ZBBX: variants seen among roughly 807,000 people sequenced by gnomAD.
The protein encoded by ZBBX is zinc finger B-box domain containing.
Under a neutral mutation model 108.5 loss-of-function variants are expected in ZBBX, and 101 were observed. The ratio of observed to expected loss-of-function variants is 0.93; its 90% confidence interval spans 0.79 to 1.10. The LOEUF (loss-of-function observed/expected upper bound fraction) is 1.10, where lower values mean the gene tolerates loss of function less well. ZBBX is among the 50% of genes least tolerant of loss of function. ZBBX has a pLI of 0.00. For synonymous variants in ZBBX, 356 were observed against 323.4 expected, an observed-to-expected ratio of 1.10 and a Z score of -1.08; for missense variants, 1,009 against 941.4, an observed-to-expected ratio of 1.07 and a Z score of -0.94.
intron 20 of ZBBX, among the ~76,000 whole-genome samples, chr3:167,245,829 T>A (rs9681013): frequency 0.32 from 48,940 of 151,926 alleles, 8,363 homozygotes; most frequent in East Asian, 0.65. Flanking sequence ...CTTTTTTTTT[T>A]ATAAGTTGTA....
At position 167,261,260 on chromosome 3, in the gene ZBBX, G is replaced by T. The variant is rs868494600; in HGVS notation, c.2255-18617C>A. 2.0e-5 allele frequency among the ~76,000 whole-genome samples: 3 copies of T among 151,960 alleles called. No homozygotes were observed. The South Asian group carries it at 6.2e-4, about 32-fold the overall frequency. ...GGAGGGGTGCAATGGACTCTGTGAGGTTCTTAGCTTTGGTGGTTTAATGCT... is the reference window on the plus strand; with the variant it reads ...GGAGGGGTGCAATGGACTCTGTGAGTTTCTTAGCTTTGGTGGTTTAATGCT... On this transcript the variant is annotated intron_variant, in intron 20 of 21. Transcript: ENST00000675490.
At position 167,397,142 on chromosome 3, in the gene ZBBX, TAAAAA is replaced by T. The variant is rs61671930; in HGVS notation, c.-446+10579_-446+10583del. 1.6e-3 allele frequency among the ~76,000 whole-genome samples: 116 copies of T among 72,414 alleles called. 6 individuals are homozygous for T. In the South Asian group the frequency reaches 0.048, roughly 30 times the overall value. 47.5% of individuals were successfully genotyped at this position (72,414 alleles called of 152,430 possible). A position where few individuals can be genotyped will look rare whatever the true frequency, so the allele number is the denominator to read the frequency against. ...GTCGTGAAGAAGAGGTTCTTGGTGGTAAAAAAAAAAAAAAAAAAAAAAAATCTGAC... is the reference window on the plus strand; with the variant it reads ...GTCGTGAAGAAGAGGTTCTTGGTGGTAAAAAAAAAAAAAAAAAAATCTGAC... On this transcript the variant is annotated intron_variant, in intron 1 of 21. Coordinates refer to the ZBBX transcript ENST00000455345.
chr3:167,287,485 C>T (rs893954539), intron 19 of ZBBX, among the ~76,000 whole-genome samples: 3 of 152,076 alleles, frequency 2.0e-5, no homozygotes, highest in Non-Finnish European at 4.4e-5. Flanking sequence ...AAATTTTATA[C>T]TGGACTCTAA....
At position 167,350,445 on chromosome 3, in the gene ZBBX, T is replaced by C. The variant is rs746906817; in HGVS notation, c.503A>G (p.Lys168Arg). Reference sequence around the variant, plus strand: ...CTGCAAAAGAGTTGTTCTGTGGAGCTTTAGTGCCCCTTTCTGGTGAACTTT... The same window carrying C: ...CTGCAAAAGAGTTGTTCTGTGGAGCCTTAGTGCCCCTTTCTGGTGAACTTT... ...FAKVHQKGAL[K>R]LHRTTLLQAK... The change falls in exon 9 of 22, where the codon AAG (lysine) becomes AGG (arginine). Residue 168 changes from lysine to arginine, a missense_variant. Transcript: ENST00000675490. 1 of 1,596,556 alleles carries C rather than the reference T, an allele frequency of 6.3e-7. No homozygotes were observed. Among genetic ancestry groups the C allele is most frequent in the South Asian group, 1.1e-5 (1 of 88,104 alleles).
intron 17 of ZBBX, among the ~76,000 whole-genome samples, chr3:167,304,030 GAATA>G (rs1208960671): frequency 6.6e-6 from 1 of 151,900 alleles, no homozygotes; most frequent in Non-Finnish European, 1.5e-5. Context: ...ATTATAATTT[GAATA>G]AATATATTTC....
At chr3:167,397,303 C>A (rs1748273382) in intron 1 of ZBBX, among the ~76,000 whole-genome samples, 1 of 151,700 alleles carries the variant, frequency 6.6e-6, no homozygotes, top group South Asian at 2.1e-4. Flanking sequence ...GAACCCCACC[C>A]TGAGTTTGTC....
chr3:167,315,670 C>A, intron 15 of ZBBX, 80 bp downstream of exon 15: 1 of 1,025,244 alleles, frequency 9.8e-7, no homozygotes. Context: ...ACATATTTCA[C>A]ATTTAAAAAG....
intron 10 of ZBBX, among the ~76,000 whole-genome samples, chr3:167,332,891 A>C (rs979073780): frequency 2.0e-5 from 3 of 152,148 alleles, no homozygotes; most frequent in Admixed American, 1.3e-4. Context: ...TTTGAAAAAG[A>C]GGAATAATTA....
chr3:167,264,168 T>A (rs1048046887), intron 20 of ZBBX, among the ~76,000 whole-genome samples: 1 of 152,188 alleles, frequency 6.6e-6, no homozygotes, highest in African/African-American at 2.4e-5. Flanking sequence ...ATTCAGCCAT[T>A]CTGTCTTTTA....
At chr3:167,243,622 T>C (rs1469368745) in intron 20 of ZBBX, among the ~76,000 whole-genome samples, 1 of 152,100 alleles carries the variant, frequency 6.6e-6, no homozygotes, top group Non-Finnish European at 1.5e-5. Context: ...GCTCTTGAAC[T>C]CCTGACCTCG....
At chr3:167,396,283 T>C (rs769415672) in intron 1 of ZBBX, among the ~76,000 whole-genome samples, 7 of 152,046 alleles carry the variant, frequency 4.6e-5, no homozygotes, top group Non-Finnish European at 2.9e-5. Context: ...GTTGAATGTA[T>C]AAATGAATGA....
At chr3:167,208,640 CTCTCAAT>C in the ZBBX span, among the ~76,000 whole-genome samples, 1 of 152,158 alleles carries the variant, frequency 6.6e-6, no homozygotes, top group Non-Finnish European at 1.5e-5. Context: ...AGCCCTTGGG[CTCTCAAT>C]GATCAGCAGT....
At chr3:167,255,347 A>G (rs2108383476) in intron 20 of ZBBX, among the ~76,000 whole-genome samples, 2 of 152,198 alleles carry the variant, frequency 1.3e-5, no homozygotes, top group African/African-American at 4.8e-5. Flanking sequence ...CTATAATAAA[A>G]CCATCAAGAG....
the ZBBX span, among the ~76,000 whole-genome samples, chr3:167,200,131 T>G: frequency 6.6e-6 from 1 of 152,202 alleles, no homozygotes; most frequent in South Asian, 2.1e-4. Flanking sequence ...AGTCCTACTC[T>G]TACCCAGCAT....
chr3:167,372,379 G>A (rs768510127), intron 4 of ZBBX, among the ~76,000 whole-genome samples: 8 of 152,148 alleles, frequency 5.3e-5, no homozygotes, highest in Non-Finnish European at 1.0e-4. Context: ...GTAATTGTTT[G>A]GCTCTGGCTG....
At chr3:167,362,231 T>C (rs993678675) in intron 6 of ZBBX, among the ~76,000 whole-genome samples, 3 of 152,136 alleles carry the variant, frequency 2.0e-5, no homozygotes, top group Non-Finnish European at 4.4e-5. Context: ...TATGTTTGTA[T>C]ATACAAATGT....
At chr3:167,216,226 C>T in the ZBBX span, among the ~76,000 whole-genome samples, 1 of 151,974 alleles carries the variant, frequency 6.6e-6, no homozygotes, top group Non-Finnish European at 1.5e-5. Flanking sequence ...ATCTAGAAAA[C>T]CCCATAGTCT....
rs905416854 is a variant in ZBBX, at chr3:167,275,421, C to T, written c.2254+6817G>A. Among the ~76,000 whole-genome samples, 20 of 152,226 alleles carry T rather than the reference C, an allele frequency of 1.3e-4. No homozygotes were observed. In the East Asian group the frequency reaches 1.9e-3, roughly 15 times the overall value. On this transcript the variant is annotated intron_variant, in intron 20 of 21. Transcript: ENST00000675490. The stretch of plus-strand genomic sequence containing the variant: ...CAGTGGGCGCAGGTCAGTGGGTGCG[C>T]GCACTGTGCGCGAGCCGAAGCAGGG...
chr3:167,279,462 CAG>C (rs1382660553), intron 20 of ZBBX, among the ~76,000 whole-genome samples: 1 of 151,774 alleles, frequency 6.6e-6, no homozygotes, highest in African/African-American at 2.4e-5. Flanking sequence ...AACAGACAAA[CAG>C]AGAGCCAAAT....
Sources: gnomAD v4.1 joint callset for allele counts (sites outside exome capture counted in the v4.1 genomes callset) on GRCh38, gnomAD v4.1.1 for gene constraint, MANE v1.5 for transcripts, NCBI Gene and HGNC (gene_info 2026-07-23, HGNC 2026-07-21) for gene names.